The following KLHL12 variants were observed in gnomAD, a reference collection of about 807,000 sequenced individuals.
KLHL12 encodes the protein kelch-like protein 12.
In KLHL12, 17 loss-of-function variants were observed where a neutral mutation model predicts 60.8. That is an observed-to-expected ratio of 0.28 (90% CI 0.19 to 0.42). KLHL12 has a LOEUF of 0.42. Ranked by LOEUF, KLHL12 falls within the 10% of genes least tolerant of loss-of-function variation. The pLI is 1.00. For missense variants in KLHL12, 468 were observed against 722.3 expected (o/e 0.65, Z 4.04); for synonymous variants, 220 against 250.9 (o/e 0.88, Z 1.16).
chr1:202,905,412 G>A (rs549575549), intron 6 of KLHL12, among the ~76,000 whole-genome samples: 1 of 152,282 alleles, frequency 6.6e-6, no homozygotes, highest in African/African-American at 2.4e-5. Context: ...CATTAACTCT[G>A]TTGATATAAA....
At chr1:202,894,467 TTAAG>T in intron 9 of KLHL12, 120 bp downstream of exon 9, 1 of 1,002,878 alleles carries the variant, frequency 1.0e-6, no homozygotes, top group Middle Eastern at 2.1e-4. Flanking sequence ...GGAAAATATA[TTAAG>T]ACACACCAGG....
At chr1:202,908,485 C>A (rs901376957) in intron 6 of KLHL12, among the ~76,000 whole-genome samples, 2 of 152,176 alleles carry the variant, frequency 1.3e-5, no homozygotes, top group African/African-American at 2.4e-5. Flanking sequence ...CTGAAGCACA[C>A]AGAGGTTAAG....
chr1:202,912,612 G>A, intron 4 of KLHL12: 1 of 1,334,962 alleles, frequency 7.5e-7, no homozygotes, highest in East Asian at 2.3e-5. Context: ...GGAAACTTTG[G>A]AGGCAGAAGC....
intron 3 of KLHL12, among the ~76,000 whole-genome samples, chr1:202,919,436 T>A (rs189358114): frequency 6.6e-6 from 1 of 152,206 alleles, no homozygotes; most frequent in Middle Eastern, 3.2e-3. Context: ...GTATCACTTT[T>A]TTATTATATT....
Position 202,894,286 on chromosome 1 carries a change from G to C in KLHL12, c.1295-4C>G. 1 of 1,535,900 alleles carries C rather than the reference G, an allele frequency of 6.5e-7. No homozygotes were observed. The highest frequency in any genetic ancestry group is 8.8e-7 in the Non-Finnish European group (1 of 1,131,218). On this transcript the variant is annotated splice_region_variant and splice_polypyrimidine_tract_variant and intron_variant, in intron 9 of 11. Coordinates refer to ENST00000367261, the MANE Select transcript of KLHL12 (RefSeq NM_021633.4). ...ATATTCAAGCCGTCATATCCTCCTG[G>C]AAGACAGAGACCATTCCAGAAAGAG...
rs142462949 is a variant in KLHL12, at chr1:202,914,805, C to T, written c.567+3366G>A. The T allele has an allele frequency of 0.019, 2,847 of 147,528 alleles. 140 individuals carry two copies. The East Asian group carries it at 0.21, about 11-fold the overall frequency. The allele number at this position is 147,528 out of a possible 1,614,324, so 9.1% of individuals were successfully genotyped here. On this transcript the variant is annotated intron_variant, in intron 4 of 11. Coordinates refer to ENST00000367261, the MANE Select transcript of KLHL12 (RefSeq NM_021633.4). Reference sequence around the variant, plus strand: ...GTTTGAACCCAGGAGGCAGAGATTGCGGTGAGCCGAGATCGTGCCATTACA... The same window carrying T: ...GTTTGAACCCAGGAGGCAGAGATTGTGGTGAGCCGAGATCGTGCCATTACA...
In KLHL12 at chr1:202,892,518, G is replaced by A. The variant is rs764850717; in HGVS notation, c.*15C>T. Reference sequence around the variant, plus strand: ...CTGGACTGGTCACTAGCTCTGGATGGTGCTCCAACAATGGTCACTTCTCGC... The same window carrying A: ...CTGGACTGGTCACTAGCTCTGGATGATGCTCCAACAATGGTCACTTCTCGC... On this transcript the variant is annotated 3_prime_UTR_variant, in exon 12 of 12. Coordinates refer to ENST00000367261, the MANE Select transcript of KLHL12 (RefSeq NM_021633.4). 1.2e-5 allele frequency: 19 copies of A among 1,612,450 alleles called. No individual in the cohort carries two copies. The highest frequency in any genetic ancestry group is 8.3e-5 in the Admixed American group (5 of 59,978).
At chr1:202,927,547 C>T (rs1011437171), upstream of KLHL12, among the ~76,000 whole-genome samples, 1 of 63,848 alleles carries the variant, frequency 1.6e-5, no homozygotes, top group Non-Finnish European at 3.9e-5. Flanking sequence ...AAAAATTAGC[C>T]CGCACCGCGC....
Position 202,894,571 on chromosome 1 carries a change from C to T in KLHL12, c.1294+20G>A, listed in dbSNP as rs1659772690. The T allele has an allele frequency of 1.2e-6, 2 of 1,613,634 alleles. No homozygotes were observed. The highest frequency in any genetic ancestry group is 1.3e-5 in the African/African-American group (1 of 74,926). On this transcript the variant is annotated intron_variant, in intron 9 of 11. Coordinates refer to ENST00000367261, the MANE Select transcript of KLHL12 (RefSeq NM_021633.4). ...TTACCCATTGAGTTCCCTCCCATTC[C>T]TGCATCCCAGACTCAATACCTAGAC...
Position 202,895,469 on chromosome 1 carries a change from C to T in KLHL12, c.1135+53G>A. The T allele has an allele frequency of 3.3e-6, 5 of 1,520,294 alleles. No homozygotes were observed. The highest frequency in any genetic ancestry group is 4.5e-6 in the Non-Finnish European group (5 of 1,114,778). The allele number at this position is 1,520,294 out of a possible 1,614,324, so 94.2% of individuals were successfully genotyped here. A position where few individuals can be genotyped will look rare whatever the true frequency, so the allele number is the denominator to read the frequency against. On this transcript the variant is annotated intron_variant, in intron 8 of 11. Transcript: ENST00000367261. The surrounding 1 kb of genome is among the most constrained non-coding windows in gnomAD (Gnocchi z 4.2). ...GCCAGACAACAGGAGAGGTTAAAAA[C>T]CCTGGTCCAGCCACAGTAAGATGGA...
In KLHL12 at chr1:202,901,058, GA is replaced by G. The variant is rs574597540; in HGVS notation, c.833-4099del. Among the ~76,000 whole-genome samples, 152 of 152,000 alleles carry G rather than the reference GA, an allele frequency of 1.0e-3. 3 individuals are homozygous for G. The highest frequency in any genetic ancestry group is 3.4e-3 in the African/African-American group (143 of 41,498). On this transcript the variant is annotated intron_variant, in intron 6 of 11. Coordinates refer to ENST00000367261, the MANE Select transcript of KLHL12 (RefSeq NM_021633.4). ...AAGACTGTCTCAAAAATAAAATAAA[GA>G]AAAAACCCCTCTCTTTCTTGATATG... is the stretch of plus-strand genomic sequence containing the variant.
rs1660203287 is a variant in KLHL12 at position 202,906,700 on chromosome 1, C to T, written c.832+2310G>A. ...TTTTTGAGATGGAGTCTCACTCTGT[C>T]GCCCAGGCTGGAGTACAATGGTGCA... On this transcript the variant is annotated intron_variant, in intron 6 of 11. Coordinates refer to ENST00000367261, the MANE Select transcript of KLHL12 (RefSeq NM_021633.4). Among the ~76,000 whole-genome samples, 3 of 152,116 alleles carry T rather than the reference C, an allele frequency of 2.0e-5. No individual in the cohort carries two copies. In the South Asian group the frequency reaches 6.2e-4, roughly 32 times the overall value.
chr1:202,906,137 A>G (rs945880636), intron 6 of KLHL12, among the ~76,000 whole-genome samples: 4 of 145,678 alleles, frequency 2.7e-5, no homozygotes, highest in African/African-American at 1.0e-4. Flanking sequence ...CAATTTTTAA[A>G]AATAATAATT....
rs569789933 is a variant in KLHL12 at position 202,920,655 on chromosome 1, C to T, written c.196-747G>A. Among the ~76,000 whole-genome samples the T allele has an allele frequency of 4.5e-3, 690 of 151,950 alleles. 4 individuals carry two copies. The highest frequency in any genetic ancestry group is 7.0e-3 in the Non-Finnish European group (473 of 67,950). On this transcript the variant is annotated intron_variant, in intron 2 of 11. Coordinates refer to ENST00000367261, the MANE Select transcript of KLHL12 (RefSeq NM_021633.4). ...CCTCCCAAAGTGCTGGGATTACAGG[C>T]GTGAGCCACCGCGCCCGGCCAATTT...
Position 202,899,796 on chromosome 1 carries a change from C to G in KLHL12, c.833-2836G>C, listed in dbSNP as rs1413987941. On this transcript the variant is annotated intron_variant, in intron 6 of 11. Transcript: ENST00000367261. ...CGAGATTGCACCACTGCACTCCAGA[C>G]TAGGCAACAGAGTAAGACTCCATCT... 1.4e-5 allele frequency among the ~76,000 whole-genome samples: 2 copies of G among 145,546 alleles called. 1 individual carries two copies. The highest frequency in any genetic ancestry group is 3.0e-5 in the Non-Finnish European group (2 of 67,142).
chr1:202,892,827 AG>A (rs1659719724), intron 11 of KLHL12, among the ~76,000 whole-genome samples, 168 bp from the exon 12 acceptor site: 1 of 152,158 alleles, frequency 6.6e-6, no homozygotes, highest in African/African-American at 2.4e-5. Flanking sequence ...TAAAATTTAA[AG>A]AAAGAAAGAA....
chr1:202,897,298 T>C (rs1446063648), intron 6 of KLHL12, among the ~76,000 whole-genome samples: 1 of 145,140 alleles, frequency 6.9e-6, no homozygotes, highest in Non-Finnish European at 1.5e-5. Flanking sequence ...TGCAATTCCA[T>C]GATCTCGGCT....
At chr1:202,927,267 T>A (rs115362249), upstream of KLHL12, 5,551 of 980,348 alleles carry the variant, frequency 5.7e-3, 243 homozygotes, top group African/African-American at 0.091. Context: ...GATGACGCAA[T>A]GCAGCTGGAG....
upstream of KLHL12, chr1:202,927,301 GT>G: frequency 2.0e-6 from 2 of 983,800 alleles, no homozygotes; most frequent in Non-Finnish European, 2.4e-6. Context: ...CCGCTCCAGA[GT>G]CTGCGTCACG....
Sources: gnomAD v4.1 joint callset for allele counts (sites outside exome capture counted in the v4.1 genomes callset) on GRCh38, gnomAD v4.1.1 for gene constraint, Gnocchi (gnomAD v3.1) non-coding constraint, MANE v1.5 for transcripts, NCBI Gene and HGNC (gene_info 2026-07-23, HGNC 2026-07-21) for gene names.